The following DHX32 variants were observed in gnomAD, a reference collection of about 807,000 sequenced individuals.
The protein encoded by DHX32 is putative pre-mRNA-splicing factor ATP-dependent RNA helicase DHX32.
Under a neutral mutation model 70.0 loss-of-function variants are expected in DHX32, and 51 were observed. The observed-to-expected ratio is 0.73, with a 90% CI of 0.58 to 0.92. The LOEUF (loss-of-function observed/expected upper bound fraction) is 0.92, where lower values mean the gene tolerates loss of function less well. DHX32 is among the 40% of genes least tolerant of loss of function. The probability of loss-of-function intolerance (pLI) is 0.00; values close to 1 mark genes in which losing one functional copy is unlikely to be tolerated. For synonymous variants in DHX32, 310 were observed against 315.3 expected, an observed-to-expected ratio of 0.98 and a Z score of 0.18; for missense variants, 762 against 891.8, an observed-to-expected ratio of 0.85 and a Z score of 1.85.
At chr10:125,853,047 A>G (rs896975956) in intron 4 of DHX32, 2 of 1,078,524 alleles carry the variant, frequency 1.9e-6, no homozygotes, top group East Asian at 4.9e-5. Flanking sequence ...TCTCACCTTT[A>G]CAACACATAC....
At chr10:125,837,804 A>G (rs1854742918) in intron 10 of DHX32, among the ~76,000 whole-genome samples, 1 of 152,198 alleles carries the variant, frequency 6.6e-6, no homozygotes, top group African/African-American at 2.4e-5. Context: ...TATGTGGCCC[A>G]TAAAGCCTTA....
chr10:125,889,260 C>T (rs4995390), intron 1 of DHX32, among the ~76,000 whole-genome samples: 6 of 151,618 alleles, frequency 4.0e-5, no homozygotes, highest in African/African-American at 1.2e-4. Flanking sequence ...TTTCTGAGCC[C>T]GCTTTGCAAC....
rs762757159 is a variant in DHX32 at position 125,841,836 on chromosome 10, ACT to A, written c.1448_1449del (p.Glu483ValfsTer4). The A allele has an allele frequency of 5.0e-6, 8 of 1,613,698 alleles. No homozygotes were observed. In the African/African-American group the frequency reaches 6.7e-5, roughly 13 times the overall value. ...TTCGAGAGTTGTGGATCAAGAGGAAACTCTGACATGATGATTCCAAATTCAGA... is the reference window on the plus strand; with the variant it reads ...TTCGAGAGTTGTGGATCAAGAGGAAACTGACATGATGATTCCAAATTCAGA... The part of the protein sequence containing the change: ...NLSEFGIIMS[E>X]FPLDPQLSKS... On this transcript the variant is annotated frameshift_variant, in exon 7 of 11. Coordinates refer to ENST00000284690, the MANE Select transcript of DHX32 (RefSeq NM_018180.3). LOFTEE classifies it high-confidence loss of function.
chr10:125,888,244 C>T (rs1337163709), intron 1 of DHX32, among the ~76,000 whole-genome samples: 1 of 150,622 alleles, frequency 6.6e-6, no homozygotes, highest in Admixed American at 6.6e-5. Flanking sequence ...TACTCCGTCG[C>T]CCAGGCTGGA....
At position 125,852,461 on chromosome 10, in the gene DHX32, A is replaced by T; in HGVS notation, c.1193-10T>A. The T allele has an allele frequency of 6.2e-7, 1 of 1,613,920 alleles. No homozygotes were observed. The highest frequency in any genetic ancestry group is 8.5e-7 in the Non-Finnish European group (1 of 1,179,948). On this transcript the variant is annotated splice_polypyrimidine_tract_variant and intron_variant, in intron 5 of 10. Coordinates refer to ENST00000284690, the MANE Select transcript of DHX32 (RefSeq NM_018180.3). The stretch of plus-strand genomic sequence containing the variant: ...AGGCAGAAAAATTTTCCTAAAAGAC[A>T]CCAAGAAAAATGGCTTTAATATTTC...
upstream of DHX32, among the ~76,000 whole-genome samples, chr10:125,885,167 T>C (rs1944335421): frequency 6.6e-6 from 1 of 152,120 alleles, no homozygotes; most frequent in African/African-American, 2.4e-5. Context: ...TTCAGTTAAT[T>C]CCTTCCTTCC....
upstream of DHX32, among the ~76,000 whole-genome samples, chr10:125,885,465 T>C (rs1232646472): frequency 1.3e-5 from 2 of 151,958 alleles, no homozygotes; most frequent in Non-Finnish European, 2.9e-5. Context: ...CAGAGGAAAA[T>C]ATGACTATGG....
chr10:125,849,669 G>T (rs1376788291), intron 6 of DHX32, among the ~76,000 whole-genome samples: 1 of 152,204 alleles, frequency 6.6e-6, no homozygotes, highest in African/African-American at 2.4e-5. Context: ...AGAGCTATGG[G>T]GAGGGCCACA....
chr10:125,863,868 ATATAAT>A (rs774637434), intron 2 of DHX32, among the ~76,000 whole-genome samples: 33 of 152,358 alleles, frequency 2.2e-4, no homozygotes, highest in Non-Finnish European at 3.7e-4. Context: ...AATTATAAAA[ATATAAT>A]TATAAACATA....
In DHX32 at chr10:125,866,948, A is replaced by C; in HGVS notation, c.476+42T>G. The C allele has an allele frequency of 6.3e-7, 1 of 1,578,728 alleles. No homozygotes were observed. Among genetic ancestry groups the C allele is most frequent in the Non-Finnish European group, 8.6e-7 (1 of 1,157,380 alleles). ...CCTTCAGAATTGTAGAACCTAAGCC[A>C]AGAATCATCAGCAGGGAGCGGACTG... On this transcript the variant is annotated intron_variant, in intron 2 of 10. Transcript: ENST00000284690. This position sits in a 1 kb window ranked among gnomAD's most constrained non-coding sequence, Gnocchi z 4.8.
intron 7 of DHX32, chr10:125,841,507 A>C (rs1854879738): frequency 6.9e-7 from 1 of 1,440,962 alleles, no homozygotes; most frequent in Non-Finnish European, 9.1e-7. Flanking sequence ...GTTTTCATAC[A>C]TCTGATGTAT....
intron 2 of DHX32, among the ~76,000 whole-genome samples, chr10:125,860,778 TAG>T (rs1168174925): frequency 1.7e-5 from 2 of 114,690 alleles, no homozygotes; most frequent in Non-Finnish European, 3.6e-5. Context: ...TTTTTTGAGA[TAG>T]AGTCTCGCTC....
At position 125,859,918 on chromosome 10, in the gene DHX32, G is replaced by T. The variant is rs1171731451; in HGVS notation, c.534C>A (p.Ser178Arg). 2 of 1,612,376 alleles carry T rather than the reference G, an allele frequency of 1.2e-6. No homozygotes were observed. The highest frequency in any genetic ancestry group is 3.3e-5 in the Admixed American group (2 of 59,708). Residue 178 changes from serine (S) to arginine (R), a missense_variant, in exon 3 of 11, where the codon AGC (serine) becomes AGA (arginine). Around this residue, in one of 3 missense-constraint regions of DHX32, gnomAD observed 394 missense variants for 473.1 expected, o/e 0.83. Transcript: ENST00000284690. ...TATCATCTAAGATGATGACCCCATA[G>T]CTACCCAAAAAAGGATTGGACATCA... ...REMMSNPFLG[S>R]YGVIILDDIH...
chr10:125,894,271 A>T (rs1442354777), intron 1 of DHX32, among the ~76,000 whole-genome samples: 1 of 152,176 alleles, frequency 6.6e-6, no homozygotes, highest in Non-Finnish European at 1.5e-5. Flanking sequence ...GTTTTCTCCA[A>T]TAGTAAAGTG....
chr10:125,857,049 T>C (rs925105260), intron 3 of DHX32, among the ~76,000 whole-genome samples: 3 of 152,190 alleles, frequency 2.0e-5, no homozygotes, highest in African/African-American at 7.2e-5. Flanking sequence ...CTACGGTAGG[T>C]TTTAAAGCTT....
intron 1 of DHX32, among the ~76,000 whole-genome samples, chr10:125,892,038 T>C (rs1944374016): frequency 6.6e-6 from 1 of 152,244 alleles, no homozygotes; most frequent in East Asian, 1.9e-4. Flanking sequence ...CTACTACTTA[T>C]GGGACCTCCC....
chr10:125,874,853 T>C (rs1275626918), intron 1 of DHX32, among the ~76,000 whole-genome samples: 1 of 151,956 alleles, frequency 6.6e-6, no homozygotes, highest in Non-Finnish European at 1.5e-5. Context: ...GAGCCACAAA[T>C]AGATGGATAG....
upstream of DHX32, among the ~76,000 whole-genome samples, chr10:125,884,580 T>C (rs1944333082): frequency 6.6e-6 from 1 of 152,192 alleles, no homozygotes; most frequent in Non-Finnish European, 1.5e-5. Flanking sequence ...CATATCTAAT[T>C]AACAGACAAC....
At chr10:125,871,194 A>G (rs1186706213) in intron 1 of DHX32, among the ~76,000 whole-genome samples, 4 of 152,230 alleles carry the variant, frequency 2.6e-5, no homozygotes, top group Non-Finnish European at 5.9e-5. Context: ...TAGTATAAAC[A>G]TTATACATTC....
Sources: gnomAD v4.1 joint callset for allele counts (sites outside exome capture counted in the v4.1 genomes callset) on GRCh38, gnomAD v4.1.1 for gene constraint, gnomAD v4.1.1 regional missense constraint, Gnocchi (gnomAD v3.1) non-coding constraint, MANE v1.5 for transcripts, NCBI Gene and HGNC (gene_info 2026-07-23, HGNC 2026-07-21) for gene names.